AMOTL1: variants seen among roughly 807,000 people sequenced by gnomAD.
The protein encoded by AMOTL1 is angiomotin like 1.
AMOTL1 carries 45 observed loss-of-function variants against 102.9 expected under a neutral mutation model. The observed-to-expected ratio is 0.44, with a 90% CI of 0.34 to 0.56. AMOTL1 has a LOEUF of 0.56. Ranked by LOEUF, AMOTL1 falls within the 20% of genes least tolerant of loss-of-function variation. The pLI, the probability that AMOTL1 is intolerant of heterozygous loss-of-function variation, is 0.01. For missense variants in AMOTL1, 1,114 were observed against 1,225.6 expected (o/e 0.91, Z 1.36); for synonymous variants, 481 against 484.7 (o/e 0.99, Z 0.10).
At chr11:94,817,364 A>G (rs1306788844) in intron 3 of AMOTL1, among the ~76,000 whole-genome samples, 1 of 152,158 alleles carries the variant, frequency 6.6e-6, no homozygotes, top group East Asian at 1.9e-4. Context: ...TTCAGTCCTC[A>G]TTAATCTTTT....
At chr11:94,743,143 T>C (rs561418988) in intron 3 of AMOTL1, among the ~76,000 whole-genome samples, 1 of 152,334 alleles carries the variant, frequency 6.6e-6, no homozygotes, top group South Asian at 2.1e-4. Context: ...AGGTTCTAGC[T>C]TTCACCCTGC....
At chr11:94,771,076 A>G (rs1950941748) in intron 1 of AMOTL1, among the ~76,000 whole-genome samples, 1 of 152,196 alleles carries the variant, frequency 6.6e-6, no homozygotes, top group Non-Finnish European at 1.5e-5. Flanking sequence ...AAATGATAAA[A>G]CAAAGACTTT....
chr11:94,839,863 T>C (rs1219684999), intron 6 of AMOTL1, among the ~76,000 whole-genome samples: 1 of 152,238 alleles, frequency 6.6e-6, no homozygotes, highest in Non-Finnish European at 1.5e-5. Flanking sequence ...AAGTCTTAAT[T>C]GGTTGCTAAT....
chr11:94,773,872 T>C (rs1352362893), intron 1 of AMOTL1, among the ~76,000 whole-genome samples: 1 of 152,210 alleles, frequency 6.6e-6, no homozygotes, highest in Non-Finnish European at 1.5e-5. Flanking sequence ...TTAAGAGTTA[T>C]GTATATGTTA....
At chr11:94,764,395 A>G (rs1329852380), upstream of AMOTL1, among the ~76,000 whole-genome samples, 2 of 152,242 alleles carry the variant, frequency 1.3e-5, no homozygotes, top group African/African-American at 2.4e-5. Context: ...CTTTGGTTTC[A>G]TAAGTTACAC....
intron 1 of AMOTL1, among the ~76,000 whole-genome samples, chr11:94,715,018 C>T (rs930950260): frequency 4.6e-5 from 7 of 151,994 alleles, no homozygotes; most frequent in Non-Finnish European, 8.8e-5. Context: ...ATAAATTTTT[C>T]TTTTGCCACT....
chr11:94,852,003 C>T (rs1330205794), intron 7 of AMOTL1, among the ~76,000 whole-genome samples: 2 of 152,150 alleles, frequency 1.3e-5, no homozygotes, highest in Non-Finnish European at 2.9e-5. Flanking sequence ...TTCACTCTGC[C>T]CAGTGGAGAC....
intron 1 of AMOTL1, among the ~76,000 whole-genome samples, chr11:94,777,008 G>A (rs777337037): frequency 2.2e-4 from 33 of 152,318 alleles, no homozygotes; most frequent in Non-Finnish European, 3.7e-4. Context: ...AGCACTCAGT[G>A]CATATCATTA....
At chr11:94,708,687 C>T (rs902267412) in intron 1 of AMOTL1, among the ~76,000 whole-genome samples, 1 of 152,176 alleles carries the variant, frequency 6.6e-6, no homozygotes, top group African/African-American at 2.4e-5. Context: ...GTGTTTAAAA[C>T]TATCTGTAGT....
At chr11:94,770,450 T>C (rs1011312040) in intron 1 of AMOTL1, among the ~76,000 whole-genome samples, 1 of 146,818 alleles carries the variant, frequency 6.8e-6, no homozygotes, top group African/African-American at 2.5e-5. Context: ...CTTATGATGG[T>C]GGTGGGGGTT....
intron 3 of AMOTL1, among the ~76,000 whole-genome samples, chr11:94,742,991 A>G (rs1393819022): frequency 6.6e-6 from 1 of 152,168 alleles, no homozygotes. Flanking sequence ...CACATTGAGG[A>G]TTAGGTTTCA....
upstream of AMOTL1, among the ~76,000 whole-genome samples, chr11:94,763,723 C>T (rs1239147356): frequency 6.6e-6 from 1 of 152,074 alleles, no homozygotes; most frequent in Admixed American, 6.5e-5. Context: ...AGATGATCAT[C>T]ATAAAAGTCT....
At chr11:94,823,552 TCTC>T (rs1302191403) in intron 4 of AMOTL1, among the ~76,000 whole-genome samples, 2 of 152,026 alleles carry the variant, frequency 1.3e-5, no homozygotes, top group Non-Finnish European at 2.9e-5. Context: ...ACCTCTTTCT[TCTC>T]TCCTAATGAA....
At chr11:94,858,767 T>A in intron 8 of AMOTL1, among the ~76,000 whole-genome samples, 1 of 152,192 alleles carries the variant, frequency 6.6e-6, no homozygotes, top group South Asian at 2.1e-4. Context: ...CGCCATCTTC[T>A]TCTGTGTCAT....
intron 2 of AMOTL1, among the ~76,000 whole-genome samples, chr11:94,738,726 G>A (rs192544151): frequency 6.6e-6 from 1 of 152,216 alleles, no homozygotes; most frequent in Non-Finnish European, 1.5e-5. Flanking sequence ...GGAAACTAAA[G>A]TCCATAAGGA....
At chr11:94,718,932 A>G (rs776835165) in intron 1 of AMOTL1, among the ~76,000 whole-genome samples, 1 of 151,666 alleles carries the variant, frequency 6.6e-6, no homozygotes, top group Admixed American at 6.6e-5. Context: ...TCTAGATTTT[A>G]TGTATTATTT....
intron 3 of AMOTL1, among the ~76,000 whole-genome samples, chr11:94,743,714 A>G (rs1950557811): frequency 1.6e-5 from 2 of 127,992 alleles, no homozygotes; most frequent in South Asian, 4.9e-4. Context: ...ATGGGAGTGC[A>G]ATGGCATGAT....
At chr11:94,869,730 A>G (rs991168306) in intron 12 of AMOTL1, among the ~76,000 whole-genome samples, 2 of 152,162 alleles carry the variant, frequency 1.3e-5, no homozygotes, top group Admixed American at 1.3e-4. Flanking sequence ...TTTTTAACTA[A>G]CCTTTCCCCG....
At chr11:94,761,011 C>A (rs1284889870) in intron 3 of AMOTL1, among the ~76,000 whole-genome samples, 3 of 151,816 alleles carry the variant, frequency 2.0e-5, no homozygotes, top group African/African-American at 7.3e-5. Context: ...TGGTGTCAAG[C>A]GATCTTCCCG....
Sources: gnomAD v4.1 joint callset for allele counts (sites outside exome capture counted in the v4.1 genomes callset) on GRCh38, gnomAD v4.1.1 for gene constraint, MANE v1.5 for transcripts, NCBI Gene and HGNC (gene_info 2026-07-23, HGNC 2026-07-21) for gene names.